PCSK2: variants seen among roughly 807,000 people sequenced by gnomAD.
PCSK2 encodes the protein neuroendocrine convertase 2.
Under a neutral mutation model 69.7 loss-of-function variants are expected in PCSK2, and 14 were observed. That is an observed-to-expected ratio of 0.20 (90% CI 0.13 to 0.31). The LOEUF is 0.31. Ranked by LOEUF, PCSK2 falls within the 10% of genes least tolerant of loss-of-function variation. PCSK2 has a pLI of 1.00. For synonymous variants in PCSK2, 307 were observed against 320.7 expected (o/e 0.96, Z 0.46); for missense variants, 544 against 842.5 (o/e 0.65, Z 4.39).
chr20:17,307,463 G>T (rs13042423), intron 2 of PCSK2, among the ~76,000 whole-genome samples: 2 of 152,192 alleles, frequency 1.3e-5, no homozygotes, highest in Non-Finnish European at 2.9e-5. Flanking sequence ...GCCAAAGGGT[G>T]GTGGTGGCAG....
Position 17,419,380 on chromosome 20 carries a change from C to A in PCSK2, c.620+10041C>A, listed in dbSNP as rs114584615. The stretch of plus-strand genomic sequence containing the variant: ...GGATGTACTTGAAATACAGTTAAGA[C>A]ATTTTCAAAAAGAGTATAATTTTCT... On this transcript the variant is annotated intron_variant, in intron 6 of 11. Coordinates refer to ENST00000262545, the MANE Select transcript of PCSK2 (RefSeq NM_002594.5). 1.6e-3 allele frequency among the ~76,000 whole-genome samples: 238 copies of A among 152,272 alleles called. 1 individual carries two copies. The highest frequency in any genetic ancestry group is 5.6e-3 in the African/African-American group (232 of 41,560).
At chr20:17,277,125 T>G (rs1988112393) in intron 2 of PCSK2, among the ~76,000 whole-genome samples, 1 of 152,116 alleles carries the variant, frequency 6.6e-6, no homozygotes, top group Middle Eastern at 3.4e-3. Context: ...ATCAATATTG[T>G]GAAAATGGCC....
intron 2 of PCSK2, among the ~76,000 whole-genome samples, chr20:17,321,005 C>A (rs547857092): frequency 6.6e-6 from 1 of 152,146 alleles, no homozygotes; most frequent in Non-Finnish European, 1.5e-5. Context: ...ACAGCCCTGT[C>A]GGTTATTTCT....
intron 2 of PCSK2, among the ~76,000 whole-genome samples, chr20:17,344,131 C>T (rs6136076): frequency 0.17 from 25,503 of 152,142 alleles, 2,857 homozygotes; most frequent in East Asian, 0.54. Context: ...TCATTTGTTC[C>T]GCATCACCGT....
At chr20:17,467,642 A>AT (rs1330330623) in intron 11 of PCSK2, among the ~76,000 whole-genome samples, 3 of 152,140 alleles carry the variant, frequency 2.0e-5, no homozygotes, top group African/African-American at 7.2e-5. Context: ...AAAATGTGGA[A>AT]TTTTTTCCAT....
At chr20:17,268,054 T>TATATATATATATATATAA (rs1987698886) in intron 2 of PCSK2, among the ~76,000 whole-genome samples, 1 of 123,764 alleles carries the variant, frequency 8.1e-6, no homozygotes, top group African/African-American at 3.0e-5. Context: ...TATATATATA[T>TATATATATATATATATAA]ATATATATAA....
At chr20:17,245,128 A>G (rs934002491) in intron 1 of PCSK2, among the ~76,000 whole-genome samples, 1 of 152,192 alleles carries the variant, frequency 6.6e-6, no homozygotes, top group African/African-American at 2.4e-5. Flanking sequence ...AAGAGCTCAG[A>G]TGATTACATT....
intron 2 of PCSK2, among the ~76,000 whole-genome samples, chr20:17,264,827 G>A (rs895195064): frequency 2.6e-5 from 4 of 151,310 alleles, no homozygotes; most frequent in African/African-American, 7.3e-5. Context: ...GGAAAATGCT[G>A]TTATCTTTTG....
intron 2 of PCSK2, among the ~76,000 whole-genome samples, chr20:17,304,398 G>A (rs2123099008): frequency 6.6e-6 from 1 of 152,212 alleles, no homozygotes. Flanking sequence ...TTGGGGAGAT[G>A]GAATTTCAGC....
intron 5 of PCSK2, among the ~76,000 whole-genome samples, chr20:17,375,135 T>G (rs1390826427): frequency 2.0e-5 from 3 of 152,188 alleles, no homozygotes; most frequent in Non-Finnish European, 4.4e-5. Flanking sequence ...AGATGCTCAA[T>G]AAGCATTCAT....
chr20:17,351,505 T>C (rs1383680967), intron 2 of PCSK2, among the ~76,000 whole-genome samples: 1 of 152,100 alleles, frequency 6.6e-6, no homozygotes, highest in African/African-American at 2.4e-5. Flanking sequence ...TTCACCACAA[T>C]TAAAAAGGCT....
chr20:17,327,443 G>T (rs1990091918), intron 2 of PCSK2, among the ~76,000 whole-genome samples: 1 of 152,172 alleles, frequency 6.6e-6, no homozygotes, highest in Non-Finnish European at 1.5e-5. Context: ...GAAGGCAGGG[G>T]CCAACATGAA....
intron 1 of PCSK2, among the ~76,000 whole-genome samples, chr20:17,234,910 G>C (rs1019425629): frequency 6.6e-6 from 1 of 152,082 alleles, no homozygotes; most frequent in East Asian, 1.9e-4. Context: ...TGCTGAATTT[G>C]TGAATTATTA....
At chr20:17,302,402 T>A (rs1220264179) in intron 2 of PCSK2, among the ~76,000 whole-genome samples, 1 of 152,184 alleles carries the variant, frequency 6.6e-6, no homozygotes, top group Admixed American at 6.5e-5. Context: ...ATTGTTTTGT[T>A]GCTGTTGTTT....
At chr20:17,362,328 A>G (rs183441231) in intron 4 of PCSK2, among the ~76,000 whole-genome samples, 2 of 152,344 alleles carry the variant, frequency 1.3e-5, no homozygotes, top group Admixed American at 6.5e-5. Flanking sequence ...TCTTCATTTT[A>G]GTCAATTACT....
intron 2 of PCSK2, among the ~76,000 whole-genome samples, chr20:17,285,835 C>T (rs1988494328): frequency 6.6e-6 from 1 of 152,194 alleles, no homozygotes; most frequent in Admixed American, 6.5e-5. Flanking sequence ...GGCCCCAGCA[C>T]ATCACAGACC....
chr20:17,465,616 A>G (rs2033088538), intron 11 of PCSK2, 63 bp downstream of exon 11: 1 of 969,576 alleles, frequency 1.0e-6, no homozygotes, highest in Non-Finnish European at 1.5e-6. Flanking sequence ...GCTCCATGGC[A>G]TTGGCATAAT....
At chr20:17,303,487 T>TATA in intron 2 of PCSK2, among the ~76,000 whole-genome samples, 1 of 55,734 alleles carries the variant, frequency 1.8e-5, no homozygotes, top group South Asian at 3.8e-4. Flanking sequence ...ATAATATATA[T>TATA]TATATTTAAT....
At position 17,289,185 on chromosome 20, in the gene PCSK2, A is replaced by C. The variant is rs898230794; in HGVS notation, c.282+28841A>C. ...ATTACCTCTCAAACTTTGCTCAATCACTTAGCCTTGTTAGATTAGTCAATA... is the reference window on the plus strand; with the variant it reads ...ATTACCTCTCAAACTTTGCTCAATCCCTTAGCCTTGTTAGATTAGTCAATA... On this transcript the variant is annotated intron_variant, in intron 2 of 11. Transcript: ENST00000262545. Among the ~76,000 whole-genome samples the C allele has an allele frequency of 3.9e-5, 6 of 152,200 alleles. No homozygotes were observed. The South Asian group carries it at 1.0e-3, about 26-fold the overall frequency.
Sources: gnomAD v4.1 joint callset for allele counts (sites outside exome capture counted in the v4.1 genomes callset) on GRCh38, gnomAD v4.1.1 for gene constraint, MANE v1.5 for transcripts, NCBI Gene and HGNC (gene_info 2026-07-23, HGNC 2026-07-21) for gene names.